The following FGF14 variants were observed in gnomAD, a reference collection of about 807,000 sequenced individuals.
FGF14 encodes the protein fibroblast growth factor homologous factor 4.
A neutral mutation model predicts 25.5 loss-of-function variants in FGF14; 5 were observed. The ratio of observed to expected loss-of-function variants is 0.20; its 90% CI spans 0.10 to 0.41. FGF14 has a LOEUF of 0.41. FGF14 is among the 10% of genes least tolerant of loss of function. FGF14 has a pLI of 1.00. For missense variants in FGF14, 222 were observed against 320.1 expected (o/e 0.69, Z 2.34); for synonymous variants, 138 against 118.3 (o/e 1.17, Z -1.08).
At chr13:102,062,322 CAA>C (rs2042725599) in intron 1 of FGF14, among the ~76,000 whole-genome samples, 1 of 151,248 alleles carries the variant, frequency 6.6e-6, no homozygotes, top group African/African-American at 2.4e-5. Context: ...GGCCAAAAAT[CAA>C]AGACTAAAAT....
intron 1 of FGF14, among the ~76,000 whole-genome samples, chr13:102,099,021 A>G (rs2044533974): frequency 6.6e-6 from 1 of 152,176 alleles, no homozygotes; most frequent in Non-Finnish European, 1.5e-5. Context: ...GGAAGCCTCT[A>G]GAAAAAGAAA....
chr13:101,974,717 AC>A (rs1468478036), intron 1 of FGF14, among the ~76,000 whole-genome samples: 1 of 152,142 alleles, frequency 6.6e-6, no homozygotes, highest in African/African-American at 2.4e-5. Flanking sequence ...AAGTTAAAAA[AC>A]AATCTCACGG....
chr13:101,959,763 TTG>T (rs1168954963), intron 1 of FGF14, among the ~76,000 whole-genome samples: 3 of 152,242 alleles, frequency 2.0e-5, no homozygotes, highest in Admixed American at 6.5e-5. Context: ...CTATAGTGAT[TTG>T]TATTCTTCTT....
chr13:101,977,673 G>C (rs758068787), intron 1 of FGF14, among the ~76,000 whole-genome samples: 1 of 152,128 alleles, frequency 6.6e-6, no homozygotes, highest in Non-Finnish European at 1.5e-5. Flanking sequence ...AATGGAAACC[G>C]AGTGATCCCT....
intron 1 of FGF14, among the ~76,000 whole-genome samples, chr13:102,309,490 C>T (rs1475871829): frequency 6.6e-6 from 1 of 152,076 alleles, no homozygotes; most frequent in Non-Finnish European, 1.5e-5. Flanking sequence ...TGGGATTCTG[C>T]CTAGATCTGC....
At chr13:102,247,368 C>T (rs1177972043) in intron 1 of FGF14, among the ~76,000 whole-genome samples, 2 of 151,516 alleles carry the variant, frequency 1.3e-5, no homozygotes, top group African/African-American at 4.9e-5. Flanking sequence ...CTATAAAGAA[C>T]TTAAAGAAAT....
chr13:101,903,683 A>C (rs2031867926), intron 1 of FGF14, among the ~76,000 whole-genome samples: 1 of 152,196 alleles, frequency 6.6e-6, no homozygotes. Context: ...GAATATACAA[A>C]GATGATTAAC....
chr13:101,940,905 A>G (rs1432923592), intron 1 of FGF14, among the ~76,000 whole-genome samples: 1 of 152,216 alleles, frequency 6.6e-6, no homozygotes, highest in African/African-American at 2.4e-5. Context: ...TATGCAAAAT[A>G]AAATTTGCAT....
At chr13:102,222,293 T>C (rs1451390689) in intron 1 of FGF14, among the ~76,000 whole-genome samples, 1 of 152,226 alleles carries the variant, frequency 6.6e-6, no homozygotes, top group Admixed American at 6.5e-5. Context: ...TTCCCCTAAT[T>C]TGATTGCTAG....
At chr13:102,195,264 A>G (rs1317282137) in intron 1 of FGF14, among the ~76,000 whole-genome samples, 1 of 152,136 alleles carries the variant, frequency 6.6e-6, no homozygotes, top group Non-Finnish European at 1.5e-5. Flanking sequence ...CTGTTTATTT[A>G]AAAGGTAACT....
chr13:102,358,156 A>G (rs1465629017), intron 1 of FGF14, among the ~76,000 whole-genome samples: 1 of 152,178 alleles, frequency 6.6e-6, no homozygotes, highest in Non-Finnish European at 1.5e-5. Context: ...AATTTTTTAA[A>G]CCCTTGGTGT....
intron 1 of FGF14, among the ~76,000 whole-genome samples, chr13:101,914,248 G>A (rs955499870): frequency 3.3e-5 from 5 of 150,670 alleles, no homozygotes; most frequent in African/African-American, 9.7e-5. Context: ...ATTATATGTC[G>A]ATATATAATT....
At chr13:102,118,391 C>CAACTT (rs57351045) in intron 1 of FGF14, among the ~76,000 whole-genome samples, 80,492 of 151,468 alleles carry the variant, frequency 0.53, 22,778 homozygotes, top group East Asian at 0.75. Flanking sequence ...TAAACTTTGA[C>CAACTT]AACGGACCAA....
At chr13:101,766,379 G>C (rs573010923) in intron 3 of FGF14, among the ~76,000 whole-genome samples, 2 of 152,190 alleles carry the variant, frequency 1.3e-5, no homozygotes, top group African/African-American at 4.8e-5. Flanking sequence ...TGTTCACATA[G>C]AGACCTGAAT....
Position 101,799,467 on chromosome 13 carries a change from A to G in FGF14, c.408+69258T>C. On this transcript the variant is annotated intron_variant, in intron 3 of 4. Transcript: ENST00000376143. ...CTGCTGAGGTGATTTGCCACAGCAG[A>G]AGATCTCTTTGCATAGTTTAGTGCT... 1.3e-5 allele frequency among the ~76,000 whole-genome samples: 2 copies of G among 152,136 alleles called. 1 individual carries two copies. Among genetic ancestry groups the G allele is most frequent in the East Asian group, 3.9e-4 (2 of 5,186 alleles).
chr13:101,879,888 A>T (rs896483142), intron 1 of FGF14, among the ~76,000 whole-genome samples: 2 of 152,210 alleles, frequency 1.3e-5, no homozygotes, highest in African/African-American at 2.4e-5. Flanking sequence ...TTGCTTAAAG[A>T]TATATATTAT....
At chr13:102,076,250 G>A (rs1231117764) in intron 1 of FGF14, among the ~76,000 whole-genome samples, 4 of 152,090 alleles carry the variant, frequency 2.6e-5, no homozygotes, top group Non-Finnish European at 2.9e-5. Flanking sequence ...CTAGGCAGGT[G>A]TATCACTTTT....
At chr13:101,731,960 G>A (rs1375717528) in intron 3 of FGF14, among the ~76,000 whole-genome samples, 1 of 152,168 alleles carries the variant, frequency 6.6e-6, no homozygotes, top group Non-Finnish European at 1.5e-5. Context: ...TTTGCCAAAA[G>A]TTTGCCAATC....
At chr13:102,112,672 T>C (rs1201839226) in intron 1 of FGF14, among the ~76,000 whole-genome samples, 6 of 152,228 alleles carry the variant, frequency 3.9e-5, no homozygotes, top group Non-Finnish European at 2.9e-5. Context: ...TTCTGGGATA[T>C]CTTAATGAAA....
Sources: gnomAD v4.1 joint callset for allele counts (sites outside exome capture counted in the v4.1 genomes callset) on GRCh38, gnomAD v4.1.1 for gene constraint, MANE v1.5 for transcripts, NCBI Gene and HGNC (gene_info 2026-07-23, HGNC 2026-07-21) for gene names.